The following NFASC variants were observed in gnomAD, a reference collection of about 807,000 sequenced individuals.
NFASC encodes neurofascin, also known as neurofascin homolog.
A neutral mutation model predicts 147.5 loss-of-function variants in NFASC; 43 were observed. The observed-to-expected ratio is 0.29, with a 90% CI of 0.23 to 0.38. NFASC has a LOEUF of 0.38. NFASC is among the 10% of genes least tolerant of loss of function. NFASC has a pLI of 1.00. For missense variants in NFASC, 1,320 were observed against 1,689.0 expected, an observed-to-expected ratio of 0.78 and a Z score of 3.83; for synonymous variants, 622 against 665.5, an observed-to-expected ratio of 0.93 and a Z score of 1.01.
rs116317832 is a variant in NFASC, at chr1:204,870,687, C to T, written c.-200+41905C>T. On this transcript the variant is annotated intron_variant, in intron 1 of 29. Transcript: ENST00000339876. ...CCCAGCGGTGAGCGAGTGAGCAAGC[C>T]GGCCGAGGGAGGGGTGAGTGGTTAT... 8,814 of 1,080,194 alleles carry T rather than the reference C, an allele frequency of 8.2e-3. 56 individuals are homozygous for T. The highest frequency in any genetic ancestry group is 0.011 in the Middle Eastern group (25 of 2,264). The allele number at this position is 1,080,194 out of a possible 1,614,324, so 66.9% of individuals were successfully genotyped here.
Position 204,975,487 on chromosome 1 carries a change from G to A in NFASC, c.1706+69G>A. On this transcript the variant is annotated intron_variant, in intron 15 of 29. Coordinates refer to ENST00000339876, the MANE Select transcript of NFASC (RefSeq NM_001005388.3). The surrounding 1 kb of genome is among the most constrained non-coding windows in gnomAD (Gnocchi z 4.0). ...CATTTTCTTTTCCCTTGCTGTTGGTGACACATGGAAGAACACAGGGACAGG... is the reference window on the plus strand; with the variant it reads ...CATTTTCTTTTCCCTTGCTGTTGGTAACACATGGAAGAACACAGGGACAGG... 1 of 1,555,974 alleles carries A rather than the reference G, an allele frequency of 6.4e-7. No individual in the cohort carries two copies. Among genetic ancestry groups the A allele is most frequent in the Non-Finnish European group, 8.8e-7 (1 of 1,140,806 alleles).
intron 1 of NFASC, among the ~76,000 whole-genome samples, chr1:204,894,965 A>G (rs1396378905): frequency 6.6e-6 from 1 of 152,168 alleles, no homozygotes; most frequent in Non-Finnish European, 1.5e-5. Context: ...CCTCCAAAAG[A>G]GACTTGAATG....
At chr1:204,866,340 C>T (rs1478127532) in intron 1 of NFASC, among the ~76,000 whole-genome samples, 1 of 152,106 alleles carries the variant, frequency 6.6e-6, no homozygotes, top group Admixed American at 6.5e-5. Flanking sequence ...AACTGGATGC[C>T]GTCTTGGCTG....
intron 1 of NFASC, 111 bp from the exon 2 acceptor site, chr1:204,920,521 C>T (rs2090237349): frequency 2.5e-6 from 1 of 397,566 alleles, no homozygotes; most frequent in Non-Finnish European, 4.5e-6. Context: ...TGGATGTGGA[C>T]AAAAATGTAA....
chr1:204,953,244 A>G (rs967874798), intron 5 of NFASC, among the ~76,000 whole-genome samples: 1 of 152,162 alleles, frequency 6.6e-6, no homozygotes, highest in Non-Finnish European at 1.5e-5. Context: ...CCAGTGGCTC[A>G]GTTCTACTAG....
At chr1:204,883,370 G>A (rs1202012882) in intron 1 of NFASC, among the ~76,000 whole-genome samples, 1 of 152,224 alleles carries the variant, frequency 6.6e-6, no homozygotes, top group Non-Finnish European at 1.5e-5. Flanking sequence ...CACTGGAGCA[G>A]CGACCCATAA....
intron 11 of NFASC, 142 bp downstream of exon 11, chr1:204,970,889 T>C: frequency 9.8e-7 from 1 of 1,022,340 alleles, no homozygotes; most frequent in Non-Finnish European, 1.5e-6. Flanking sequence ...CAGCTGCCCA[T>C]CTCTTCAGAC....
At chr1:204,977,190 C>G (rs2095424728) in intron 16 of NFASC, 3 of 922,016 alleles carry the variant, frequency 3.3e-6, no homozygotes, top group Non-Finnish European at 4.0e-6. Context: ...TGCCAGCCTT[C>G]CTTTCCCTCC....
chr1:204,905,183 C>T (rs12029850), intron 1 of NFASC, among the ~76,000 whole-genome samples: 1 of 152,040 alleles, frequency 6.6e-6, no homozygotes, highest in African/African-American at 2.4e-5. Flanking sequence ...CTCCTGGGCT[C>T]GAGTCATCCT....
chr1:204,974,042 A>C, intron 12 of NFASC, 137 bp from the exon 13 acceptor site: 1 of 655,326 alleles, frequency 1.5e-6, no homozygotes, highest in Non-Finnish European at 2.7e-6. Flanking sequence ...TTCCTGAAGG[A>C]GGGAAGGTTG....
At chr1:204,859,190 C>A (rs1016735440) in intron 1 of NFASC, among the ~76,000 whole-genome samples, 1 of 152,156 alleles carries the variant, frequency 6.6e-6, no homozygotes, top group Non-Finnish European at 1.5e-5. Context: ...GTTGGCCAGG[C>A]TGGTCTTGAA....
chr1:204,951,948 C>T, intron 4 of NFASC, 63 bp from the exon 5 acceptor site: 1 of 1,371,018 alleles, frequency 7.3e-7, no homozygotes, highest in Non-Finnish European at 1.0e-6. Flanking sequence ...CTCAGCTGTT[C>T]CCCAAGCTGG....
intron 1 of NFASC, among the ~76,000 whole-genome samples, chr1:204,874,292 T>G (rs1362425349): frequency 6.6e-6 from 1 of 152,190 alleles, no homozygotes; most frequent in Non-Finnish European, 1.5e-5. Context: ...TGCCACTCCC[T>G]TTTGTCGTAG....
At chr1:204,945,502 T>G (rs1453716100) in intron 3 of NFASC, among the ~76,000 whole-genome samples, 1 of 145,598 alleles carries the variant, frequency 6.9e-6, no homozygotes, top group Admixed American at 6.8e-5. Flanking sequence ...GCACTCTACT[T>G]CACCCATAAT....
intron 10 of NFASC, 140 bp downstream of exon 10, chr1:204,969,122 T>C (rs2150246243): frequency 1.3e-6 from 1 of 747,874 alleles, no homozygotes; most frequent in South Asian, 1.8e-5. Flanking sequence ...CGATCTGCCA[T>C]GGATGGTGTC....
chr1:204,980,594 T>C (rs553774141), intron 20 of NFASC, among the ~76,000 whole-genome samples, 154 bp downstream of exon 20: 1 of 152,094 alleles, frequency 6.6e-6, no homozygotes, highest in South Asian at 2.1e-4. Context: ...ACCAAGCTCC[T>C]CTCTGAGTTG....
chr1:204,897,975 T>G (rs2083723600), intron 1 of NFASC, among the ~76,000 whole-genome samples: 1 of 152,180 alleles, frequency 6.6e-6, no homozygotes, highest in South Asian at 2.1e-4. Context: ...TCATCTCAAG[T>G]GATCCACCCG....
chr1:204,916,099 C>T (rs1353894483), intron 1 of NFASC, among the ~76,000 whole-genome samples: 3 of 152,174 alleles, frequency 2.0e-5, no homozygotes, highest in South Asian at 2.1e-4. Context: ...GTGTCTGCAG[C>T]GTGGCTGCTT....
intron 21 of NFASC, among the ~76,000 whole-genome samples, chr1:204,985,372 A>G (rs537703947): frequency 1.6e-4 from 25 of 152,346 alleles, no homozygotes; most frequent in African/African-American, 6.0e-4. Context: ...AACAATATGA[A>G]AAGAAGTCAT....
Sources: allele counts gnomAD v4.1 joint callset (sites outside exome capture counted in the v4.1 genomes callset), GRCh38; gene constraint gnomAD v4.1.1; non-coding constraint Gnocchi (gnomAD v3.1); transcripts MANE v1.5; gene names NCBI Gene and HGNC (gene_info 2026-07-23, HGNC 2026-07-21).